The following NKAIN3 variants were observed in gnomAD, a reference collection of about 807,000 sequenced individuals.
NKAIN3 encodes sodium/potassium-transporting ATPase subunit beta-1-interacting protein 3.
NKAIN3 carries 25 observed loss-of-function variants against 30.2 expected under a neutral mutation model. The ratio of observed to expected loss-of-function variants is 0.83; its 90% CI spans 0.60 to 1.16. NKAIN3 has a LOEUF of 1.16. Ranked by LOEUF, NKAIN3 falls within the 50% of genes most tolerant of loss-of-function variation. NKAIN3 has a pLI of 0.00. For missense variants in NKAIN3, 225 were observed against 254.1 expected (o/e 0.89, Z 0.78); for synonymous variants, 91 against 89.6 (o/e 1.02, Z -0.09).
chr8:62,878,040 C>CAAAAAAA (rs34421488), intron 4 of NKAIN3, among the ~76,000 whole-genome samples: 1 of 113,734 alleles, frequency 8.8e-6, no homozygotes, highest in Non-Finnish European at 1.7e-5. Flanking sequence ...AACTCCATCT[C>CAAAAAAA]AAAAAAAAAA....
intron 3 of NKAIN3, among the ~76,000 whole-genome samples, chr8:62,713,426 C>G (rs1814789615): frequency 6.6e-6 from 1 of 152,186 alleles, no homozygotes; most frequent in Non-Finnish European, 1.5e-5. Context: ...CTTTCCTCCT[C>G]CAGTAATGCA....
In NKAIN3 at chr8:62,907,957, G is replaced by T. The variant is rs563432134; in HGVS notation, c.472-10496G>T. ...GCCACTGTCCTTCAGACCCCAGAAT[G>T]GTAGATCCACTGACAGCTTGTACCA... On this transcript the variant is annotated intron_variant, in intron 4 of 6. Transcript: ENST00000623646. Among the ~76,000 whole-genome samples the T allele has an allele frequency of 4.6e-5, 7 of 152,270 alleles. No individual in the cohort carries two copies. The South Asian group carries it at 1.2e-3, about 27-fold the overall frequency.
intron 1 of NKAIN3, among the ~76,000 whole-genome samples, chr8:62,468,670 T>C (rs1419068223): frequency 3.9e-5 from 6 of 152,250 alleles, no homozygotes; most frequent in African/African-American, 1.4e-4. Flanking sequence ...TTAGTATTTA[T>C]TTATTCAAAT....
intron 3 of NKAIN3, among the ~76,000 whole-genome samples, chr8:62,648,385 T>A (rs1812529850): frequency 6.6e-6 from 1 of 152,038 alleles, no homozygotes; most frequent in Admixed American, 6.6e-5. Context: ...ACCATAAATG[T>A]GTGATGAGCA....
intron 3 of NKAIN3, among the ~76,000 whole-genome samples, chr8:62,694,853 G>A (rs1430172413): frequency 6.6e-6 from 1 of 152,144 alleles, no homozygotes; most frequent in Non-Finnish European, 1.5e-5. Flanking sequence ...AACCACCCTT[G>A]AGGAGTCCCT....
chr8:62,909,867 G>T (rs561771860), intron 4 of NKAIN3, among the ~76,000 whole-genome samples: 1 of 152,140 alleles, frequency 6.6e-6, no homozygotes, highest in Non-Finnish European at 1.5e-5. Flanking sequence ...GCATGTCATT[G>T]TCTTATTGTT....
chr8:62,725,449 C>T (rs987192894), intron 3 of NKAIN3, among the ~76,000 whole-genome samples: 22 of 152,096 alleles, frequency 1.4e-4, no homozygotes, highest in African/African-American at 3.6e-4. Context: ...TCTTTGCCCA[C>T]CCAAACATCC....
chr8:62,919,431 G>T (rs1822210353), intron 5 of NKAIN3, among the ~76,000 whole-genome samples: 1 of 151,238 alleles, frequency 6.6e-6, no homozygotes, highest in African/African-American at 2.4e-5. Context: ...ATTTTTAGTA[G>T]AGAAGGGGTT....
Position 62,870,644 on chromosome 8 carries a change from T to TATCTATATATAGATATATATAG in NKAIN3, c.472-47807_472-47806insCTATATATAGATATATATAGAT, listed in dbSNP as rs1414291212. Among the ~76,000 whole-genome samples, 95 of 139,452 alleles carry TATCTATATATAGATATATATAG rather than the reference T, an allele frequency of 6.8e-4. 1 individual carries two copies. Among genetic ancestry groups the TATCTATATATAGATATATATAG allele is most frequent in the Admixed American group, 1.9e-3 (26 of 13,930 alleles). The allele number at this position is 139,452 out of a possible 152,430, so 91.5% of individuals were successfully genotyped here. A position where few individuals can be genotyped will look rare whatever the true frequency, so the allele number is the denominator to read the frequency against. ...TACAAAATAAACTCTATTTTATATA[T>TATCTATATATAGATATATATAG]ATATCTATATCTAGATATATATAGA... On this transcript the variant is annotated intron_variant, in intron 4 of 6. Coordinates refer to ENST00000623646, the MANE Select transcript of NKAIN3 (RefSeq NM_001304533.3).
chr8:62,918,114 T>A (rs115236106), intron 4 of NKAIN3, among the ~76,000 whole-genome samples: 4,302 of 152,298 alleles, frequency 0.028, 195 homozygotes, highest in African/African-American at 0.098. Context: ...TAGTACAAAA[T>A]GCTCAATCAT....
At chr8:62,672,489 G>A (rs1040464331) in intron 3 of NKAIN3, among the ~76,000 whole-genome samples, 20 of 152,160 alleles carry the variant, frequency 1.3e-4, no homozygotes, top group Middle Eastern at 3.2e-3. Flanking sequence ...TATGAGAAAA[G>A]CCACATTATT....
At chr8:62,426,425 A>T (rs1484268563) in intron 1 of NKAIN3, among the ~76,000 whole-genome samples, 1 of 152,028 alleles carries the variant, frequency 6.6e-6, no homozygotes, top group Non-Finnish European at 1.5e-5. Flanking sequence ...AAGGCCAAAC[A>T]GCATCATCTT....
At chr8:62,374,651 A>G (rs539650335) in intron 1 of NKAIN3, among the ~76,000 whole-genome samples, 1 of 152,336 alleles carries the variant, frequency 6.6e-6, no homozygotes, top group Admixed American at 6.5e-5. Context: ...TTGTTTAACT[A>G]TTAAAGAAAA....
At chr8:62,866,977 C>G (rs368087672) in intron 4 of NKAIN3, among the ~76,000 whole-genome samples, 14 of 149,868 alleles carry the variant, frequency 9.3e-5, no homozygotes, top group Middle Eastern at 3.4e-3. Flanking sequence ...ATGGCGTGAA[C>G]GCTGGAGGCA....
chr8:62,608,844 A>G (rs1275594168), intron 3 of NKAIN3, among the ~76,000 whole-genome samples: 2 of 152,308 alleles, frequency 1.3e-5, no homozygotes, highest in African/African-American at 4.8e-5. Flanking sequence ...CATTTTTAAT[A>G]TAAATTAAGA....
Position 62,713,695 on chromosome 8 carries a change from C to G in NKAIN3, c.274-33237C>G, listed in dbSNP as rs141665333. On this transcript the variant is annotated intron_variant, in intron 3 of 6. Coordinates refer to ENST00000623646, the MANE Select transcript of NKAIN3 (RefSeq NM_001304533.3). Reference sequence around the variant, plus strand: ...TATTGAGACTTGTTATTTCTCAAATCAAGAACAGATTGAAGTAAACATTTC... The same window carrying G: ...TATTGAGACTTGTTATTTCTCAAATGAAGAACAGATTGAAGTAAACATTTC... 4.4e-4 allele frequency among the ~76,000 whole-genome samples: 67 copies of G among 152,200 alleles called. No individual in the cohort carries two copies. In the East Asian group the frequency reaches 5.4e-3, roughly 12 times the overall value.
At chr8:62,750,393 CT>C (rs1038891759) in intron 4 of NKAIN3, among the ~76,000 whole-genome samples, 2 of 152,152 alleles carry the variant, frequency 1.3e-5, no homozygotes, top group Non-Finnish European at 2.9e-5. Context: ...AAAGTCACCT[CT>C]GTCATAAGCA....
chr8:62,278,516 T>C (rs1166983746), intron 1 of NKAIN3, among the ~76,000 whole-genome samples: 4 of 152,256 alleles, frequency 2.6e-5, no homozygotes, highest in South Asian at 4.2e-4. Flanking sequence ...CTCCTAATGC[T>C]ATCCCTCCCC....
intron 1 of NKAIN3, among the ~76,000 whole-genome samples, chr8:62,382,051 G>A (rs1817295842): frequency 1.3e-5 from 2 of 151,878 alleles, no homozygotes; most frequent in Admixed American, 6.6e-5. Flanking sequence ...AGCAACCCAG[G>A]GATTAGGGAA....
Sources: allele counts gnomAD v4.1 joint callset (sites outside exome capture counted in the v4.1 genomes callset), GRCh38; gene constraint gnomAD v4.1.1; transcripts MANE v1.5; gene names NCBI Gene and HGNC (gene_info 2026-07-23, HGNC 2026-07-21).